MTFR1: variants seen among roughly 807,000 people sequenced by gnomAD.
MTFR1 encodes the protein chondrocyte protein with a poly-proline region.
A neutral mutation model predicts 38.8 loss-of-function variants in MTFR1; 28 were observed. The ratio of observed to expected loss-of-function variants is 0.72; its 90% CI spans 0.53 to 0.99. The LOEUF is 0.99. Ranked by LOEUF, MTFR1 falls within the 50% of genes least tolerant of loss-of-function variation. The pLI is 0.00. For missense variants in MTFR1, 358 were observed against 395.5 expected (o/e 0.91, Z 0.81); for synonymous variants, 145 against 137.0 (o/e 1.06, Z -0.41).
In MTFR1 at chr8:65,667,090, C is replaced by T. The variant is rs560294007; in HGVS notation, c.-80-2783C>T. 3.3e-5 allele frequency among the ~76,000 whole-genome samples: 5 copies of T among 152,194 alleles called. No individual in the cohort carries two copies. The East Asian group carries it at 9.7e-4, about 29-fold the overall frequency. On this transcript the variant is annotated intron_variant, in intron 1 of 7. Transcript: ENST00000262146. ...GTCAGGAGATTAAAACCAGCCTGAC[C>T]AACATGGTGAAACCCTGTCTCTACT...
At chr8:65,764,146 A>C (rs1218584098) in intron 3 of MTFR1, among the ~76,000 whole-genome samples, 2 of 152,254 alleles carry the variant, frequency 1.3e-5, no homozygotes. Flanking sequence ...AGGAATTACA[A>C]TAGAAAAGAG....
At chr8:65,761,091 G>T (rs183852929) in intron 3 of MTFR1, among the ~76,000 whole-genome samples, 1 of 148,536 alleles carries the variant, frequency 6.7e-6, no homozygotes, top group Non-Finnish European at 1.5e-5. Flanking sequence ...ACGGAGTCTC[G>T]CCCTGTGGCG....
At chr8:65,647,299 G>C (rs76065508) in intron 1 of MTFR1, among the ~76,000 whole-genome samples, 2,478 of 152,138 alleles carry the variant, frequency 0.016, 77 homozygotes, top group African/African-American at 0.054. Context: ...TATATAGTAG[G>C]ATTTTTTTTG....
intron 1 of MTFR1, among the ~76,000 whole-genome samples, chr8:65,669,584 C>T (rs1804503502): frequency 6.6e-6 from 1 of 151,546 alleles, no homozygotes; most frequent in South Asian, 2.1e-4. Context: ...CAGAGTCTCG[C>T]TCTGTCACCC....
At chr8:65,666,332 G>T (rs895840265) in intron 1 of MTFR1, among the ~76,000 whole-genome samples, 2 of 152,230 alleles carry the variant, frequency 1.3e-5, no homozygotes, top group Non-Finnish European at 2.9e-5. Flanking sequence ...CTTGAACCTG[G>T]GATGCAGAGG....
At chr8:65,704,984 T>C in intron 5 of MTFR1, 55 bp downstream of exon 5, 1 of 1,404,066 alleles carries the variant, frequency 7.1e-7, no homozygotes, top group Non-Finnish European at 9.8e-7. Context: ...GTTAGGAGAA[T>C]GCTACTTACT....
Position 65,719,068 on chromosome 8 carries a change from G to T in MTFR1, c.382-312G>T, listed in dbSNP as rs903658455. The T allele has an allele frequency of 2.7e-5, 15 of 562,868 alleles. No individual in the cohort carries two copies. In the Admixed American group the frequency reaches 4.2e-4, roughly 16 times the overall value. The allele number at this position is 562,868 out of a possible 1,614,324, so 34.9% of individuals were successfully genotyped here. On this transcript the variant is annotated intron_variant, in intron 2 of 3. Coordinates refer to the MTFR1 transcript ENST00000521247. ...TCCTGCTGGGCTTTGCATATTCAAG[G>T]TTTCACATGAAAGCCAAATTCATAT...
intron 3 of MTFR1, 126 bp downstream of exon 3, chr8:65,682,577 T>C (rs556082213): frequency 1.6e-4 from 97 of 592,282 alleles, no homozygotes; most frequent in African/African-American, 1.5e-3. Context: ...ATCAATACAA[T>C]AGAAGAGGAT....
chr8:65,774,982 T>C (rs568771008), downstream of MTFR1, among the ~76,000 whole-genome samples: 1 of 152,326 alleles, frequency 6.6e-6, no homozygotes, highest in Admixed American at 6.5e-5. Flanking sequence ...GACCGCACTT[T>C]AAGTACTGCT....
At chr8:65,763,554 A>C (rs1450368602) in intron 3 of MTFR1, among the ~76,000 whole-genome samples, 1 of 134,574 alleles carries the variant, frequency 7.4e-6, no homozygotes, top group Non-Finnish European at 1.5e-5. Flanking sequence ...AACAAGAGTG[A>C]AACTCCGTCT....
At chr8:65,681,202 G>C (rs971510962) in intron 2 of MTFR1, among the ~76,000 whole-genome samples, 7 of 151,992 alleles carry the variant, frequency 4.6e-5, no homozygotes, top group African/African-American at 1.7e-4. Context: ...GTGAGCCACC[G>C]CGCCCGGCCT....
intron 3 of MTFR1, among the ~76,000 whole-genome samples, chr8:65,726,570 T>C (rs1264418003): frequency 6.6e-6 from 1 of 152,178 alleles, no homozygotes; most frequent in Non-Finnish European, 1.5e-5. Flanking sequence ...AGTATGGAAA[T>C]GTGTAATATC....
Position 65,683,132 on chromosome 8 carries a change from C to CTT in MTFR1, c.165+699_165+700dup, listed in dbSNP as rs748824241. On this transcript the variant is annotated intron_variant, in intron 3 of 7. Transcript: ENST00000262146. The stretch of plus-strand genomic sequence containing the variant: ...GATTTGTACTTTTGTTTCTTTCTTT[C>CTT]TTTTTTTTTTTTTTTTTTTGAGATG... Among the ~76,000 whole-genome samples the CTT allele has an allele frequency of 1.0e-3, 122 of 121,658 alleles. 4 individuals are homozygous for CTT. Among genetic ancestry groups the CTT allele is most frequent in the African/African-American group, 2.8e-3 (86 of 31,212 alleles). The allele number at this position is 121,658 out of a possible 152,430, so 79.8% of individuals were successfully genotyped here.
At chr8:65,725,666 G>C (rs78780238) in intron 3 of MTFR1, 1 of 152,084 alleles carries the variant, frequency 6.6e-6, no homozygotes, top group South Asian at 2.1e-4. Context: ...GTAAAGAGCT[G>C]TCAAATAGAT....
intron 3 of MTFR1, among the ~76,000 whole-genome samples, chr8:65,692,424 G>A (rs1190810278): frequency 6.6e-6 from 1 of 151,600 alleles, no homozygotes; most frequent in Non-Finnish European, 1.5e-5. Context: ...TGCAACTGCC[G>A]CCTCCCGGGT....
intron 1 of MTFR1, among the ~76,000 whole-genome samples, chr8:65,664,461 AT>A (rs1804313672): frequency 6.6e-6 from 1 of 152,178 alleles, no homozygotes; most frequent in Non-Finnish European, 1.5e-5. Context: ...AGGCATGGAT[AT>A]TGACTCAGTT....
At chr8:65,741,880 GGA>G (rs1807451101) in intron 3 of MTFR1, among the ~76,000 whole-genome samples, 1 of 152,146 alleles carries the variant, frequency 6.6e-6, no homozygotes, top group South Asian at 2.1e-4. Context: ...CAATCTAATG[GGA>G]AAATACCCTC....
intron 1 of MTFR1, among the ~76,000 whole-genome samples, chr8:65,653,116 T>G (rs1809164530): frequency 6.6e-6 from 1 of 152,226 alleles, no homozygotes. Flanking sequence ...GGGAGTACAA[T>G]GTATAGTTAA....
intron 1 of MTFR1, among the ~76,000 whole-genome samples, chr8:65,659,870 CTA>C (rs1413764220): frequency 6.6e-6 from 1 of 152,162 alleles, no homozygotes; most frequent in East Asian, 1.9e-4. Context: ...CCTTCTTACT[CTA>C]TATGATTTAA....
Sources: gnomAD v4.1 joint callset for allele counts (sites outside exome capture counted in the v4.1 genomes callset) on GRCh38, gnomAD v4.1.1 for gene constraint, MANE v1.5 for transcripts, NCBI Gene and HGNC (gene_info 2026-07-23, HGNC 2026-07-21) for gene names.